The following SCRIB variants were observed in gnomAD, a reference collection of about 807,000 sequenced individuals.
SCRIB encodes the protein scribble planar cell polarity protein, also known as protein scribble homolog.
Under a neutral mutation model 170.0 loss-of-function variants are expected in SCRIB, and 72 were observed. The observed-to-expected ratio is 0.42, with a 90% CI of 0.35 to 0.52. The LOEUF is 0.52. Among genes scored for constraint, SCRIB ranks in the 20% least tolerant of loss-of-function variants. The pLI is 0.02. For synonymous variants in SCRIB, 1,298 were observed against 1,044.3 expected (o/e 1.24, Z -4.68); for missense variants, 2,475 against 2,338.5 (o/e 1.06, Z -1.20).
chr8:143,807,061 C>A, intron 16 of SCRIB, 48 bp from the exon 17 acceptor site: 1 of 1,371,112 alleles, frequency 7.3e-7, no homozygotes, highest in Non-Finnish European at 1.0e-6. Flanking sequence ...AGTGGGGCTG[C>A]CTGTGCTCTC....
intron 24 of SCRIB, among the ~76,000 whole-genome samples, chr8:143,803,120 C>T (rs1046449851): frequency 1.3e-5 from 2 of 152,300 alleles, no homozygotes; most frequent in African/African-American, 2.4e-5. Context: ...CCCAAACACA[C>T]GCCCCTCCCA....
At position 143,809,555 on chromosome 8, in the gene SCRIB, T is replaced by C. The variant is rs1815607672; in HGVS notation, c.1694A>G (p.Gln565Arg). ...GGEEDAEEDY[Q>R]EPTVHFAEDA... ...CTCCTTCCTGCCAATCCACACCTCC[T>C]GGTAGTCCTCTTCGGCGTCTTCCTC... Residue 565 changes from glutamine to arginine, a missense_variant, in exon 14 of 37, where the codon CAG becomes CGG. Coordinates refer to ENST00000356994, the MANE Select transcript of SCRIB (RefSeq NM_182706.5). 1 of 1,610,356 alleles carries C rather than the reference T, an allele frequency of 6.2e-7. No individual in the cohort carries two copies. The highest frequency in any genetic ancestry group is 8.5e-7 in the Non-Finnish European group (1 of 1,179,224).
rs1554632584 is a variant in SCRIB at position 143,791,370 on chromosome 8, C to G, written c.4822+19G>C. The G allele has an allele frequency of 6.2e-7, 1 of 1,606,064 alleles. No individual in the cohort carries two copies. The highest frequency in any genetic ancestry group is 1.7e-5 in the Admixed American group (1 of 59,378). On this transcript the variant is annotated intron_variant, in intron 36 of 36. Coordinates refer to ENST00000356994, the MANE Select transcript of SCRIB (RefSeq NM_182706.5). ...CAGCTGGGCTCCTGGGAGCTCACCC[C>G]AGCCCGGCCCCAACTCACCAGGGCT...
chr8:143,801,155 A>G lies in SCRIB; in HGVS notation c.3603+2228T>C, dbSNP rs1324232848. Among the ~76,000 whole-genome samples, 6 of 152,274 alleles carry G rather than the reference A, an allele frequency of 3.9e-5. No homozygotes were observed. In the South Asian group the frequency reaches 1.2e-3, roughly 31 times the overall value. On this transcript the variant is annotated intron_variant, in intron 24 of 36. Coordinates refer to ENST00000356994, the MANE Select transcript of SCRIB (RefSeq NM_182706.5). ...TACAGGAACTGAACACAATGAGGCCACATTTCCCCCAAATCACTGGGGAAG... is the reference window on the plus strand; with the variant it reads ...TACAGGAACTGAACACAATGAGGCCGCATTTCCCCCAAATCACTGGGGAAG...
rs1334193849 is a variant in SCRIB, at chr8:143,810,584, T to C, written c.1425A>G (p.Thr475=). ...AEKRGLQRRA[T]PHPSELKVMK... ...TCACCTTGAGCTCGCTGGGGTGAGG[T>C]GTGGCCCGGCGCTGTAGGCCCTGTT... Residue 475 remains threonine (T), a synonymous_variant, in exon 13 of 37, where the codon ACA becomes ACG. Coordinates refer to ENST00000356994, the MANE Select transcript of SCRIB (RefSeq NM_182706.5). The C allele has an allele frequency of 5.0e-6, 8 of 1,613,414 alleles. No individual in the cohort carries two copies. The highest frequency in any genetic ancestry group is 5.9e-6 in the Non-Finnish European group (7 of 1,179,940).
chr8:143,791,118 G>A lies in SCRIB; in HGVS notation c.*45C>T. 2.9e-6 allele frequency: 4 copies of A among 1,383,276 alleles called. No homozygotes were observed. The highest frequency in any genetic ancestry group is 3.7e-6 in the Non-Finnish European group (4 of 1,069,100). 85.7% of individuals were successfully genotyped at this position (1,383,276 alleles called of 1,614,324 possible). On this transcript the variant is annotated 3_prime_UTR_variant, in exon 37 of 37. Transcript: ENST00000356994. ...GACTTGGGGCAAGGGTGGTGCTGGA[G>A]CTGGCAGGGCCCCCACCCCAAGTCT... is the stretch of plus-strand genomic sequence containing the variant.
chr8:143,815,528 TGGGCCCGG>T lies in SCRIB; in HGVS notation c.-164_-157del, dbSNP rs1563812289. On this transcript the variant is annotated 5_prime_UTR_variant, in exon 1 of 37. Coordinates refer to ENST00000356994, the MANE Select transcript of SCRIB (RefSeq NM_182706.5). The stretch of plus-strand genomic sequence containing the variant: ...ACGGGGACGCGGCCGCGGCCGGCGC[TGGGCCCGG>T]CCCGCGCTCGGAACGCTCGGACTGC... 25 of 980,058 alleles carry T rather than the reference TGGGCCCGG, an allele frequency of 2.6e-5. No individual in the cohort carries two copies. The highest frequency in any genetic ancestry group is 5.3e-4 in the Middle Eastern group (1 of 1,890). The allele number at this position is 980,058 out of a possible 1,614,324, so 60.7% of individuals were successfully genotyped here.
At position 143,804,151 on chromosome 8, in the gene SCRIB, G is replaced by T. The variant is rs782607780; in HGVS notation, c.3015C>A (p.Ile1005=). Residue 1005 remains isoleucine (I), a synonymous_variant, in exon 22 of 37, where the codon ATC becomes ATA. Transcript: ENST00000356994. ...ALEGPYPVEE[I]RLPRAGGPLG... ...GAGGGCCCCCAGCTCTTGGCAGACGGATCTCCTGGGGATTTAGGGCGGGAC... is the reference window on the plus strand; with the variant it reads ...GAGGGCCCCCAGCTCTTGGCAGACGTATCTCCTGGGGATTTAGGGCGGGAC... 3.4e-5 allele frequency: 55 copies of T among 1,607,066 alleles called. No individual in the cohort carries two copies. In the South Asian group the frequency reaches 6.0e-4, roughly 17 times the overall value.
rs756841644 is a variant in SCRIB, at chr8:143,810,657, G to T, written c.1404+29C>A. 5 of 1,603,140 alleles carry T rather than the reference G, an allele frequency of 3.1e-6. No individual in the cohort carries two copies. The African/African-American group carries it at 4.0e-5, about 13-fold the overall frequency. ...GCCACAGGGCAGGGGTCAGGCAGAG[G>T]TTCGCCCCCCAGATCCTCACCCTCA... On this transcript the variant is annotated intron_variant, in intron 12 of 36. Transcript: ENST00000356994.
At chr8:143,791,844 G>T (rs782792937) in intron 34 of SCRIB, 32 bp downstream of exon 34, 6 of 1,545,062 alleles carry the variant, frequency 3.9e-6, no homozygotes, top group South Asian at 1.2e-5. Context: ...TGCCTCGGGG[G>T]TGAAGGGAAG....
Position 143,808,922 on chromosome 8 carries a change from C to T in SCRIB, c.1802G>A (p.Arg601Gln), listed in dbSNP as rs1321126046. Reference sequence around the variant, plus strand: ...GTGAGGTGTGTCCTTGCGGATGAGCCGCTGCCTCCCGCCTGGCAGGGTCCA... The same window carrying T: ...GTGAGGTGTGTCCTTGCGGATGAGCTGCTGCCTCCCGCCTGGCAGGGTCCA... ...APWTLPGGRQRLIRKDTPHYK... is the reference protein window; with the variant it reads ...APWTLPGGRQQLIRKDTPHYK... Residue 601 changes from arginine to glutamine, a missense_variant, in exon 15 of 37, where the codon CGG becomes CAG. This residue lies in a region of SCRIB where 1,966 missense variants were observed against 1,742.9 expected (regional missense o/e 1.13). Coordinates refer to ENST00000356994, the MANE Select transcript of SCRIB (RefSeq NM_182706.5). 6 of 1,611,432 alleles carry T rather than the reference C, an allele frequency of 3.7e-6. No homozygotes were observed. The highest frequency in any genetic ancestry group is 2.5e-6 in the Non-Finnish European group (3 of 1,179,988).
At chr8:143,813,406 C>G (rs79371938) in intron 5 of SCRIB, 32 bp from the exon 6 acceptor site, 1 of 1,613,202 alleles carries the variant, frequency 6.2e-7, no homozygotes. Flanking sequence ...GGTGTGGCCA[C>G]GCAGCCCTGG....
intron 14 of SCRIB, 124 bp downstream of exon 14, chr8:143,809,427 C>A: frequency 1.8e-6 from 2 of 1,132,126 alleles, no homozygotes; most frequent in Non-Finnish European, 2.5e-6. Flanking sequence ...CAGGGCAGCT[C>A]CCCGAAGCAT....
chr8:143,792,062 G>T lies in SCRIB; in HGVS notation c.4586C>A (p.Thr1529Lys). The T allele has an allele frequency of 6.3e-7, 1 of 1,592,064 alleles. No homozygotes were observed. The highest frequency in any genetic ancestry group is 8.5e-7 in the Non-Finnish European group (1 of 1,174,532). Reference sequence around the variant, plus strand: ...GGCCAGTCGCTCCAGGGGCCCCCGCGTGCCCCGGCCTTCCTGGGACCTGCT... The same window carrying T: ...GGCCAGTCGCTCCAGGGGCCCCCGCTTGCCCCGGCCTTCCTGGGACCTGCT... ...VLSRSQEGRG[T>K]RGPLERLAEA... The change falls in exon 33 of 37, where the codon ACG becomes AAG. Residue 1529 changes from threonine (T) to lysine (K), a missense_variant. This residue lies in a region of SCRIB where 1,966 missense variants were observed against 1,742.9 expected (regional missense o/e 1.13). Coordinates refer to ENST00000356994, the MANE Select transcript of SCRIB (RefSeq NM_182706.5).
intron 1 of SCRIB, chr8:143,814,908 A>C (rs1032373140): frequency 7.5e-6 from 3 of 400,876 alleles, no homozygotes; most frequent in Non-Finnish European, 1.3e-5. Context: ...CTCATCAGCC[A>C]CCTGAATCCA....
chr8:143,795,175 G>A, intron 26 of SCRIB, 63 bp from the exon 27 acceptor site: 8 of 1,597,798 alleles, frequency 5.0e-6, no homozygotes, highest in Middle Eastern at 1.7e-4. Flanking sequence ...GGCCAGCACA[G>A]GGCAGGAGAG....
At chr8:143,807,520 C>T (rs782718296) in intron 16 of SCRIB, 32 bp downstream of exon 16, 6 of 1,583,670 alleles carry the variant, frequency 3.8e-6, no homozygotes, top group South Asian at 1.1e-5. Context: ...CCAGCAGCGG[C>T]CCGGCCAGAG....
At position 143,813,368 on chromosome 8, in the gene SCRIB, C is replaced by T. The variant is rs773093995; in HGVS notation, c.510G>A (p.Leu170=). 6.2e-7 allele frequency: 1 copy of T among 1,613,600 alleles called. No individual in the cohort carries two copies. The highest frequency in any genetic ancestry group is 8.5e-7 in the Non-Finnish European group (1 of 1,180,038). ...ENLLKSLPAS[L]SFLVKLEQLD... is the part of the protein sequence containing the mutation. ...GCTGTTCCAGCTTGACCAGAAATGA[C>T]AGGGACCTGCAGAGGAAGCAGGGTG... Residue 170 remains leucine (L), a synonymous_variant, in exon 6 of 37, where the codon CTG becomes CTA. Coordinates refer to ENST00000356994, the MANE Select transcript of SCRIB (RefSeq NM_182706.5).
Position 143,792,530 on chromosome 8 carries a change from T to A in SCRIB, c.4283A>T (p.Gln1428Leu). ...GGCCCAGGGTGGCTGCTCATCCTCC[T>A]GTTCCTCCTCGCCCAGCGTCTCCCC... ...LDGETLGEEE[Q>L]EDEQPPWASP... is the part of the protein sequence containing the mutation. Residue 1428 changes from glutamine (Q) to leucine (L), a missense_variant, in exon 31 of 37, where the codon CAG becomes CTG. Gln to Leu is a moderately radical substitution (Grantham distance 113, BLOSUM62 -2). Coordinates refer to ENST00000356994, the MANE Select transcript of SCRIB (RefSeq NM_182706.5). 6.4e-7 allele frequency: 1 copy of A among 1,557,724 alleles called. No homozygotes were observed. The highest frequency in any genetic ancestry group is 1.3e-5 in the African/African-American group (1 of 74,256).
Sources: allele counts gnomAD v4.1 joint callset (sites outside exome capture counted in the v4.1 genomes callset), GRCh38; gene constraint gnomAD v4.1.1; regional missense constraint gnomAD v4.1.1; transcripts MANE v1.5; gene names NCBI Gene and HGNC (gene_info 2026-07-23, HGNC 2026-07-21).